Variants in TAFA1 observed in about 807,000 individuals in gnomAD.
The protein encoded by TAFA1 is chemokine-like protein TAFA-1.
Under a neutral mutation model 18.5 loss-of-function variants are expected in TAFA1, and 4 were observed. The ratio of observed to expected loss-of-function variants is 0.22; its 90% confidence interval spans 0.11 to 0.49. The LOEUF (loss-of-function observed/expected upper bound fraction) is 0.49, where lower values mean the gene tolerates loss of function less well. TAFA1 is among the 20% of genes least tolerant of loss of function. The pLI is 0.98. For missense variants in TAFA1, 147 were observed against 169.0 expected (o/e 0.87, Z 0.72); for synonymous variants, 56 against 55.2 (o/e 1.01, Z -0.06).
intron 2 of TAFA1, among the ~76,000 whole-genome samples, chr3:68,285,671 G>A (rs1173135886): frequency 6.6e-6 from 1 of 152,098 alleles, no homozygotes; most frequent in African/African-American, 2.4e-5. Context: ...GATTAAAAAT[G>A]ATTTGAGACA....
At chr3:68,392,062 G>A (rs1486115708) in intron 2 of TAFA1, among the ~76,000 whole-genome samples, 1 of 151,738 alleles carries the variant, frequency 6.6e-6, no homozygotes, top group Non-Finnish European at 1.5e-5. Context: ...GACACAGACT[G>A]GCAAATTGGA....
the TAFA1 span, among the ~76,000 whole-genome samples, chr3:67,994,765 A>T: frequency 6.6e-6 from 1 of 152,224 alleles, no homozygotes; most frequent in Non-Finnish European, 1.5e-5. Flanking sequence ...GCTGTCTTAG[A>T]CAAGTGAGGA....
At chr3:68,109,680 T>C (rs181172866) in intron 2 of TAFA1, among the ~76,000 whole-genome samples, 2 of 151,824 alleles carry the variant, frequency 1.3e-5, no homozygotes, top group East Asian at 3.9e-4. Flanking sequence ...CTAAGAAAAT[T>C]GTTGTTGTTG....
intron 2 of TAFA1, among the ~76,000 whole-genome samples, chr3:68,172,378 A>T (rs975318453): frequency 8.5e-5 from 13 of 152,190 alleles, no homozygotes; most frequent in African/African-American, 2.9e-4. Flanking sequence ...AGGCTAAAAC[A>T]GAAAAAAGTG....
chr3:68,080,733 G>A lies in TAFA1; in HGVS notation c.118+73989G>A, dbSNP rs575255406. 6.9e-4 allele frequency among the ~76,000 whole-genome samples: 105 copies of A among 152,162 alleles called. 1 individual carries two copies. Among genetic ancestry groups the A allele is most frequent in the African/African-American group, 2.3e-3 (96 of 41,508 alleles). ...GAGGGTAACCTGACCTTTCTCTCTGGCTGCCCTTAACATTTTTTCCTTCAT... is the reference window on the plus strand; with the variant it reads ...GAGGGTAACCTGACCTTTCTCTCTGACTGCCCTTAACATTTTTTCCTTCAT... On this transcript the variant is annotated intron_variant, in intron 2 of 4. Transcript: ENST00000478136.
rs983070470 is a variant in TAFA1 at position 68,122,991 on chromosome 3, G to GAA, written c.118+116256_118+116257dup. ...CTAACCTACTAGAAAGAGCAGTAAAGAAAAAAAAAACCCTTTTTTTTCCAA... is the reference window on the plus strand; with the variant it reads ...CTAACCTACTAGAAAGAGCAGTAAAGAAAAAAAAAAAACCCTTTTTTTTCCAA... On this transcript the variant is annotated intron_variant, in intron 2 of 4. Coordinates refer to ENST00000478136, the MANE Select transcript of TAFA1 (RefSeq NM_213609.4). Among the ~76,000 whole-genome samples, 4 of 141,154 alleles carry GAA rather than the reference G, an allele frequency of 2.8e-5. 1 individual carries two copies. Among genetic ancestry groups the GAA allele is most frequent in the South Asian group, 4.5e-4 (2 of 4,486 alleles). The allele number at this position is 141,154 out of a possible 152,430, so 92.6% of individuals were successfully genotyped here.
chr3:68,255,588 G>A (rs2067281994), intron 2 of TAFA1, among the ~76,000 whole-genome samples: 1 of 152,094 alleles, frequency 6.6e-6, no homozygotes, highest in Non-Finnish European at 1.5e-5. Flanking sequence ...CCGTTCAGGT[G>A]ATGCCAGGGT....
intron 2 of TAFA1, among the ~76,000 whole-genome samples, chr3:68,360,575 C>G (rs996392784): frequency 7.2e-5 from 11 of 151,728 alleles, no homozygotes; most frequent in Non-Finnish European, 7.4e-5. Context: ...TTTTTTAAGT[C>G]ACAAATCTGC....
chr3:68,158,913 A>G (rs966328629), intron 2 of TAFA1, among the ~76,000 whole-genome samples: 12 of 152,214 alleles, frequency 7.9e-5, no homozygotes, highest in Non-Finnish European at 1.5e-4. Context: ...TATCAAAGTT[A>G]GACAAAGAAG....
chr3:68,395,266 G>C (rs1196154838), intron 2 of TAFA1, among the ~76,000 whole-genome samples: 1 of 152,104 alleles, frequency 6.6e-6, no homozygotes, highest in African/African-American at 2.4e-5. Flanking sequence ...AGTTAGAATG[G>C]CAATTATTAA....
intron 2 of TAFA1, among the ~76,000 whole-genome samples, chr3:68,385,156 C>T (rs1004827751): frequency 6.6e-6 from 1 of 151,978 alleles, no homozygotes; most frequent in East Asian, 1.9e-4. Flanking sequence ...AATAATAGAG[C>T]CTACCTCACT....
intron 2 of TAFA1, among the ~76,000 whole-genome samples, chr3:68,396,931 C>A (rs1367218572): frequency 6.6e-6 from 1 of 152,110 alleles, no homozygotes; most frequent in African/African-American, 2.4e-5. Context: ...TTGTCTTTCA[C>A]CCTTTCCCTT....
chr3:68,080,919 G>A (rs1405977149), intron 2 of TAFA1, among the ~76,000 whole-genome samples: 2 of 152,052 alleles, frequency 1.3e-5, no homozygotes, highest in Non-Finnish European at 2.9e-5. Context: ...TTCCAACTTG[G>A]TTCCATTCTC....
At chr3:68,367,626 G>A (rs2069598992) in intron 2 of TAFA1, among the ~76,000 whole-genome samples, 1 of 152,070 alleles carries the variant, frequency 6.6e-6, no homozygotes, top group Non-Finnish European at 1.5e-5. Flanking sequence ...TGATTCAGTG[G>A]TACACAACCT....
chr3:68,207,882 C>G (rs2066545937), intron 2 of TAFA1, among the ~76,000 whole-genome samples: 1 of 151,818 alleles, frequency 6.6e-6, no homozygotes, highest in Admixed American at 6.6e-5. Context: ...GTCAAGGCCA[C>G]ACAGTAAATA....
rs1559711627 is a variant in TAFA1 at position 68,539,679 on chromosome 3, G to GGGC, written c.384+801_384+802insCGG. Among the ~76,000 whole-genome samples the GGGC allele has an allele frequency of 4.0e-4, 19 of 47,506 alleles. 1 individual carries two copies. The highest frequency in any genetic ancestry group is 1.8e-3 in the African/African-American group (19 of 10,684). 31.2% of individuals were successfully genotyped at this position (47,506 alleles called of 152,430 possible). On this transcript the variant is annotated intron_variant, in intron 4 of 4. Transcript: ENST00000478136. The stretch of plus-strand genomic sequence containing the variant: ...TTTGTCTCTCTCTGTGTGTGTGTGT[G>GGGC]GGGGGGCATGGGGTGGGTGGGTGGG...
chr3:68,141,386 T>G (rs759446771), intron 2 of TAFA1, among the ~76,000 whole-genome samples: 1 of 152,200 alleles, frequency 6.6e-6, no homozygotes, highest in African/African-American at 2.4e-5. Context: ...CCTCATTATA[T>G]GACAGGAGAG....
intron 2 of TAFA1, chr3:68,250,685 A>G (rs1297646425): frequency 1.3e-5 from 2 of 152,144 alleles, no homozygotes; most frequent in African/African-American, 4.8e-5. Context: ...AGGCAGAACA[A>G]AAATTACTTG....
intron 3 of TAFA1, among the ~76,000 whole-genome samples, chr3:68,436,734 G>T (rs1401950031): frequency 1.3e-5 from 2 of 152,168 alleles, no homozygotes; most frequent in African/African-American, 4.8e-5. Context: ...GGAACCAACA[G>T]ATGTCTCTGT....
Sources: gnomAD v4.1 joint callset for allele counts (sites outside exome capture counted in the v4.1 genomes callset) on GRCh38, gnomAD v4.1.1 for gene constraint, MANE v1.5 for transcripts, NCBI Gene and HGNC (gene_info 2026-07-23, HGNC 2026-07-21) for gene names.